SESN3: variants seen among roughly 807,000 people sequenced by gnomAD.
SESN3 encodes the protein sestrin-3.
A neutral mutation model predicts 55.3 loss-of-function variants in SESN3; 21 were observed. That is an observed-to-expected ratio of 0.38 (90% CI 0.27 to 0.55). The LOEUF is 0.55. Among genes scored for constraint, SESN3 ranks in the 20% least tolerant of loss-of-function variants. SESN3 has a pLI of 0.76. For synonymous variants in SESN3, 181 were observed against 203.1 expected (o/e 0.89, Z 0.93); for missense variants, 408 against 604.3 (o/e 0.68, Z 3.41).
chr11:95,206,531 T>C (rs920229555), intron 1 of SESN3, among the ~76,000 whole-genome samples: 1 of 152,202 alleles, frequency 6.6e-6, no homozygotes, highest in African/African-American at 2.4e-5. Context: ...ATAATTAAGA[T>C]CTGTGAAAGT....
intron 1 of SESN3, 141 bp from the exon 2 acceptor site, chr11:95,193,663 G>A: frequency 1.7e-6 from 1 of 587,390 alleles, no homozygotes; most frequent in South Asian, 2.1e-5. Flanking sequence ...TTGGGTTTCA[G>A]ATCAAAGAAA....
chr11:95,215,132 C>T (rs1860727963), intron 1 of SESN3, among the ~76,000 whole-genome samples: 1 of 151,956 alleles, frequency 6.6e-6, no homozygotes. Context: ...TTTGTGGAAG[C>T]ATTTGGTTAA....
Position 95,218,864 on chromosome 11 carries a change from G to T in SESN3, c.78+11919C>A, listed in dbSNP as rs561112410. 3.9e-5 allele frequency among the ~76,000 whole-genome samples: 6 copies of T among 152,218 alleles called. No individual in the cohort carries two copies. The East Asian group carries it at 1.2e-3, about 29-fold the overall frequency. Reference sequence around the variant, plus strand: ...AGATGGGGTTTTACCGTGTTAGCCAGGATGGTCTCGTTCTCCTGACCTCGT... The same window carrying T: ...AGATGGGGTTTTACCGTGTTAGCCATGATGGTCTCGTTCTCCTGACCTCGT... On this transcript the variant is annotated intron_variant, in intron 1 of 9. Transcript: ENST00000536441.
At chr11:95,215,187 C>T (rs1417527167) in intron 1 of SESN3, among the ~76,000 whole-genome samples, 1 of 148,552 alleles carries the variant, frequency 6.7e-6, no homozygotes, top group Admixed American at 6.9e-5. Context: ...ATTAGAATCA[C>T]CTGGAAGGCC....
chr11:95,220,146 T>C (rs560924170), intron 1 of SESN3, among the ~76,000 whole-genome samples: 3 of 152,210 alleles, frequency 2.0e-5, no homozygotes, highest in Admixed American at 2.0e-4. Context: ...AGTCCAAGGG[T>C]TTCTTTGCTT....
chr11:95,218,708 T>C (rs1860805853), intron 1 of SESN3, among the ~76,000 whole-genome samples: 1 of 147,512 alleles, frequency 6.8e-6, no homozygotes, highest in Admixed American at 7.0e-5. Flanking sequence ...TGGAGTGCAA[T>C]GGCGCGATCT....
chr11:95,219,758 T>TA (rs386374533), intron 1 of SESN3, among the ~76,000 whole-genome samples: 1 of 33,470 alleles, frequency 3.0e-5, no homozygotes, highest in East Asian at 1.6e-3. Context: ...TTGAAAAATA[T>TA]TTTTTTTTTT....
At position 95,230,919 on chromosome 11, in the gene SESN3, G is replaced by C. The variant is rs1861048308; in HGVS notation, c.-59C>G. 8.4e-7 allele frequency: 1 copy of C among 1,184,376 alleles called. No individual in the cohort carries two copies. Among genetic ancestry groups the C allele is most frequent in the Non-Finnish European group, 1.1e-6 (1 of 873,656 alleles). The allele number at this position is 1,184,376 out of a possible 1,614,324, so 73.4% of individuals were successfully genotyped here. Reference sequence around the variant, plus strand: ...AGGGCCGGGTCCGGGCTGTCACTGCGGCCACTGCAGGGCCGGTCCGTCCCC... The same window carrying C: ...AGGGCCGGGTCCGGGCTGTCACTGCCGCCACTGCAGGGCCGGTCCGTCCCC... On this transcript the variant is annotated 5_prime_UTR_variant, in exon 1 of 10. Coordinates refer to ENST00000536441, the MANE Select transcript of SESN3 (RefSeq NM_144665.4). This position sits in a 1 kb window ranked among gnomAD's most constrained non-coding sequence, Gnocchi z 4.6.
chr11:95,196,668 T>G (rs1224886817), intron 1 of SESN3, among the ~76,000 whole-genome samples: 1 of 152,148 alleles, frequency 6.6e-6, no homozygotes, highest in Non-Finnish European at 1.5e-5. Flanking sequence ...TTAAATAAAG[T>G]TAAAAACACA....
At chr11:95,185,666 C>G (rs1484159343) in intron 4 of SESN3, among the ~76,000 whole-genome samples, 174 bp from the exon 5 acceptor site, 2 of 152,048 alleles carry the variant, frequency 1.3e-5, no homozygotes, top group Non-Finnish European at 2.9e-5. Flanking sequence ...GCCATTAAAA[C>G]TATCATACCT....
chr11:95,189,700 G>T, intron 4 of SESN3, 79 bp downstream of exon 4: 1 of 974,770 alleles, frequency 1.0e-6, no homozygotes, highest in Non-Finnish European at 1.5e-6. Flanking sequence ...TATTATTTAT[G>T]TTCCAAGTTC....
chr11:95,195,386 TGAAAA>T (rs1860342774), intron 1 of SESN3, among the ~76,000 whole-genome samples: 1 of 152,162 alleles, frequency 6.6e-6, no homozygotes, highest in Admixed American at 6.6e-5. Flanking sequence ...GTTTAGCAAT[TGAAAA>T]GAAGCAACTT....
intron 1 of SESN3, among the ~76,000 whole-genome samples, chr11:95,209,617 C>T (rs1263305726): frequency 6.6e-6 from 1 of 151,260 alleles, no homozygotes; most frequent in Non-Finnish European, 1.5e-5. Context: ...TACTGCAGCA[C>T]TATTCACAAT....
At chr11:95,175,797 T>C (rs1274566531) in intron 8 of SESN3, among the ~76,000 whole-genome samples, 155 bp from the exon 9 acceptor site, 2 of 152,212 alleles carry the variant, frequency 1.3e-5, no homozygotes, top group Non-Finnish European at 2.9e-5. Flanking sequence ...TTATGTGCCA[T>C]GAGTACTCAG....
Position 95,189,868 on chromosome 11 carries a change from C to G in SESN3, c.436G>C (p.Glu146Gln). Reference protein sequence around the residue: ...GGIAEWLNGLEYVPQRLKNLN... With the variant: ...GGIAEWLNGLQYVPQRLKNLN... ...TTTTTCAGTCTTTGTGGCACATATT[C>G]CAAACCATTCAACCACTCAGCAATA... is the stretch of plus-strand genomic sequence containing the variant. Residue 146 changes from glutamate to glutamine, a missense_variant, in exon 4 of 10, where the codon GAA becomes CAA. This residue lies in a region of SESN3 where 107 missense variants were observed against 211.3 expected (regional missense o/e 0.51). Coordinates refer to ENST00000536441, the MANE Select transcript of SESN3 (RefSeq NM_144665.4). 6.2e-7 allele frequency: 1 copy of G among 1,611,606 alleles called. No homozygotes were observed. Among genetic ancestry groups the G allele is most frequent in the Non-Finnish European group, 8.5e-7 (1 of 1,178,538 alleles).
rs2134209329 is a variant in SESN3, at chr11:95,173,113, A to AAAAAC, written c.*137_*141dup. 3.9e-6 allele frequency: 2 copies of AAAAAC among 509,746 alleles called. No individual in the cohort carries two copies. Among genetic ancestry groups the AAAAAC allele is most frequent in the Non-Finnish European group, 7.1e-6 (2 of 283,348 alleles). The allele number at this position is 509,746 out of a possible 1,614,324, so 31.6% of individuals were successfully genotyped here. On this transcript the variant is annotated 3_prime_UTR_variant, in exon 10 of 10. Coordinates refer to ENST00000536441, the MANE Select transcript of SESN3 (RefSeq NM_144665.4). ...CACATCATTGCACATTACAGCCGCAAAAAACAAAAAAAAAAAAACAAACGG... is the reference window on the plus strand; with the variant it reads ...CACATCATTGCACATTACAGCCGCAAAAAACAAAACAAAAAAAAAAAAACAAACGG...
At chr11:95,229,548 G>A (rs1377287232) in intron 1 of SESN3, among the ~76,000 whole-genome samples, 3 of 152,136 alleles carry the variant, frequency 2.0e-5, no homozygotes, top group Admixed American at 1.3e-4. Flanking sequence ...CCTACTGCAG[G>A]GAAAAGAGGC....
chr11:95,181,127 G>T (rs1860051281), intron 6 of SESN3, among the ~76,000 whole-genome samples: 1 of 151,990 alleles, frequency 6.6e-6, no homozygotes, highest in African/African-American at 2.4e-5. Flanking sequence ...CTTTGACACT[G>T]CACAACCAAA....
At chr11:95,222,304 A>G (rs902436919) in intron 1 of SESN3, among the ~76,000 whole-genome samples, 3 of 152,188 alleles carry the variant, frequency 2.0e-5, no homozygotes, top group Non-Finnish European at 4.4e-5. Context: ...AAATATTTTC[A>G]TGGCCACAAG....
Sources: allele counts gnomAD v4.1 joint callset (sites outside exome capture counted in the v4.1 genomes callset), GRCh38; gene constraint gnomAD v4.1.1; regional missense constraint gnomAD v4.1.1; non-coding constraint Gnocchi (gnomAD v3.1); transcripts MANE v1.5; gene names NCBI Gene and HGNC (gene_info 2026-07-23, HGNC 2026-07-21).